NOX4: variants seen among roughly 807,000 people sequenced by gnomAD.
The protein encoded by NOX4 is NADPH oxidase 4, also known as kidney oxidase-1.
Under a neutral mutation model 87.6 loss-of-function variants are expected in NOX4, and 69 were observed. The ratio of observed to expected loss-of-function variants is 0.79; its 90% CI spans 0.65 to 0.96. The LOEUF is 0.96. Ranked by LOEUF, NOX4 falls within the 40% of genes least tolerant of loss-of-function variation. NOX4 has a pLI of 0.00. For synonymous variants in NOX4, 275 were observed against 238.2 expected (o/e 1.15, Z -1.42); for missense variants, 680 against 681.5 (o/e 1.00, Z 0.02).
chr11:89,544,611 A>G, the NOX4 span, among the ~76,000 whole-genome samples: 1 of 152,172 alleles, frequency 6.6e-6, no homozygotes, highest in Admixed American at 6.6e-5. Context: ...CACTGAAGCA[A>G]TGTATACTGA....
intron 11 of NOX4, among the ~76,000 whole-genome samples, chr11:89,386,381 C>A (rs1461802710): frequency 1.3e-5 from 2 of 152,304 alleles, no homozygotes; most frequent in Non-Finnish European, 2.9e-5. Flanking sequence ...ACTGATATCT[C>A]CTGGTTTTAC....
chr11:89,376,915 G>A (rs949228406), intron 11 of NOX4, among the ~76,000 whole-genome samples: 6 of 151,824 alleles, frequency 4.0e-5, no homozygotes, highest in African/African-American at 7.3e-5. Context: ...AAAATTAGCT[G>A]GGCATGATGG....
intron 2 of NOX4, among the ~76,000 whole-genome samples, chr11:89,489,449 C>T (rs771079796): frequency 3.4e-4 from 52 of 152,148 alleles, no homozygotes; most frequent in Middle Eastern, 6.8e-3. Flanking sequence ...CAATCTCAGC[C>T]GGGCATGGTG....
chr11:89,378,706 G>A (rs981601764), intron 11 of NOX4, among the ~76,000 whole-genome samples: 1 of 151,858 alleles, frequency 6.6e-6, no homozygotes, highest in African/African-American at 2.4e-5. Context: ...AAATATAGGA[G>A]AATAAAAACG....
chr11:89,407,516 T>G lies in NOX4; in HGVS notation c.630-4974A>C, dbSNP rs571126979. Among the ~76,000 whole-genome samples, 3 of 152,212 alleles carry G rather than the reference T, an allele frequency of 2.0e-5. No individual in the cohort carries two copies. In the East Asian group the frequency reaches 5.8e-4, roughly 29 times the overall value. On this transcript the variant is annotated intron_variant, in intron 8 of 17. Transcript: ENST00000263317. Reference sequence around the variant, plus strand: ...GGATTTTATGGAGTTTCAAAATTGTTTCTGCATTCAAAAGGATCTTAACAT... The same window carrying G: ...GGATTTTATGGAGTTTCAAAATTGTGTCTGCATTCAAAAGGATCTTAACAT...
At chr11:89,508,709 G>A in the NOX4 span, among the ~76,000 whole-genome samples, 7 of 151,988 alleles carry the variant, frequency 4.6e-5, no homozygotes, top group South Asian at 2.1e-4. Flanking sequence ...CAATCTCCCC[G>A]GCACCAGGCC....
chr11:89,338,470 C>T (rs564209818), intron 15 of NOX4, among the ~76,000 whole-genome samples: 1 of 152,120 alleles, frequency 6.6e-6, no homozygotes, highest in African/African-American at 2.4e-5. Flanking sequence ...AATATCTGTC[C>T]AATTGCCTGC....
the NOX4 span, among the ~76,000 whole-genome samples, chr11:89,561,050 C>CATAT: frequency 0.092 from 2,614 of 28,462 alleles, 201 homozygotes; most frequent in Admixed American, 0.11. Flanking sequence ...ATATATCATA[C>CATAT]ATATATATAT....
the NOX4 span, among the ~76,000 whole-genome samples, chr11:89,558,048 C>T: frequency 7.3e-3 from 1,117 of 152,172 alleles, 16 homozygotes; most frequent in African/African-American, 0.025. Flanking sequence ...AGCCCCAGGA[C>T]CCAGAATGAT....
At chr11:89,414,587 G>A (rs1019371101) in intron 8 of NOX4, among the ~76,000 whole-genome samples, 1 of 144,006 alleles carries the variant, frequency 6.9e-6, no homozygotes, top group African/African-American at 2.6e-5. Context: ...TTACATGGAA[G>A]AATTCTGGCA....
At chr11:89,463,689 T>TA (rs369425452) in intron 2 of NOX4, among the ~76,000 whole-genome samples, 1,528 of 151,990 alleles carry the variant, frequency 0.01, 42 homozygotes, top group African/African-American at 0.035. Context: ...TTGACTGATA[T>TA]AAAAAGCAAT....
At chr11:89,558,990 T>A in the NOX4 span, among the ~76,000 whole-genome samples, 1 of 152,092 alleles carries the variant, frequency 6.6e-6, no homozygotes, top group African/African-American at 2.4e-5. Flanking sequence ...AACTGGAAAC[T>A]CAGTGCCTTT....
the NOX4 span, among the ~76,000 whole-genome samples, chr11:89,534,489 T>C: frequency 2.0e-5 from 3 of 152,334 alleles, no homozygotes; most frequent in Middle Eastern, 3.4e-3. Context: ...CCACATATCA[T>C]AACTAACATG....
chr11:89,419,056 A>C (rs1344536122), intron 8 of NOX4, among the ~76,000 whole-genome samples: 1 of 152,084 alleles, frequency 6.6e-6, no homozygotes, highest in Non-Finnish European at 1.5e-5. Flanking sequence ...TTTTAAAAAT[A>C]TGCAGTTTTA....
At chr11:89,519,750 T>C in the NOX4 span, among the ~76,000 whole-genome samples, 1 of 152,048 alleles carries the variant, frequency 6.6e-6, no homozygotes, top group African/African-American at 2.4e-5. Flanking sequence ...CAAGAGTGTG[T>C]ATTTCAAATA....
At chr11:89,530,303 C>T in the NOX4 span, among the ~76,000 whole-genome samples, 9 of 150,218 alleles carry the variant, frequency 6.0e-5, no homozygotes, top group African/African-American at 2.0e-4. Flanking sequence ...CTCCATAATA[C>T]CACATTCTTA....
chr11:89,581,833 A>G, the NOX4 span, among the ~76,000 whole-genome samples: 5 of 152,290 alleles, frequency 3.3e-5, no homozygotes, highest in East Asian at 9.6e-4. Flanking sequence ...TATCATCTCC[A>G]TAAGTTTCCT....
At chr11:89,513,092 G>A in the NOX4 span, among the ~76,000 whole-genome samples, 8 of 151,984 alleles carry the variant, frequency 5.3e-5, no homozygotes, top group Admixed American at 6.6e-5. Context: ...AGGCTGAGGC[G>A]GGCAGATGAC....
intron 2 of NOX4, among the ~76,000 whole-genome samples, chr11:89,488,241 C>G (rs1438681797): frequency 6.6e-6 from 1 of 151,916 alleles, no homozygotes; most frequent in Non-Finnish European, 1.5e-5. Flanking sequence ...CCTTTATGCT[C>G]CTAGTCTTCC....
Sources: allele counts gnomAD v4.1 joint callset (sites outside exome capture counted in the v4.1 genomes callset), GRCh38; gene constraint gnomAD v4.1.1; transcripts MANE v1.5; gene names NCBI Gene and HGNC (gene_info 2026-07-23, HGNC 2026-07-21).